RERE: variants seen among roughly 807,000 people sequenced by gnomAD.
RERE encodes the protein arginine-glutamic acid dipeptide repeats protein.
In RERE, 40 loss-of-function variants were observed where a neutral mutation model predicts 146.1. The observed-to-expected ratio is 0.27, with a 90% CI of 0.21 to 0.36. The LOEUF is 0.36. Ranked by LOEUF, RERE falls within the 10% of genes least tolerant of loss-of-function variation. The pLI is 1.00. For missense variants in RERE, 1,933 were observed against 2,138.7 expected, an observed-to-expected ratio of 0.90 and a Z score of 1.90; for synonymous variants, 1,003 against 866.0, an observed-to-expected ratio of 1.16 and a Z score of -2.78.
intron 1 of RERE, among the ~76,000 whole-genome samples, chr1:8,764,970 C>T (rs1640820342): frequency 6.6e-6 from 1 of 152,196 alleles, no homozygotes; most frequent in South Asian, 2.1e-4. Flanking sequence ...AGGTTCCATA[C>T]CCCCCAAAAA....
In RERE at chr1:8,611,038, C is replaced by CA. The variant is rs200447929; in HGVS notation, c.522+3522dup. ...TGAAACCCCATCTCTACTAAAAATA[C>CA]AAAAAAAATTGCCAGGTGTGGTGGA... On this transcript the variant is annotated intron_variant, in intron 4 of 22. Transcript: ENST00000400908. Among the ~76,000 whole-genome samples the CA allele has an allele frequency of 9.6e-4, 145 of 151,510 alleles. No homozygotes were observed. The East Asian group carries it at 0.025, about 26-fold the overall frequency.
At chr1:8,480,131 T>G (rs150520468) in intron 10 of RERE, among the ~76,000 whole-genome samples, 76,333 of 115,290 alleles carry the variant, frequency 0.66, 21,410 homozygotes, top group East Asian at 0.84. Flanking sequence ...TTTTTTTGTT[T>G]TTTTTTTTTT....
chr1:8,803,547 C>T (rs142192294), intron 1 of RERE, among the ~76,000 whole-genome samples: 115 of 152,138 alleles, frequency 7.6e-4, no homozygotes, highest in African/African-American at 2.7e-3. Flanking sequence ...TACATATAAT[C>T]CCAAGTTACT....
At chr1:8,719,411 AATTATTAAATATCCAAAAGGATCCAGGG>A (rs1639821162) in intron 1 of RERE, among the ~76,000 whole-genome samples, 1 of 152,180 alleles carries the variant, frequency 6.6e-6, no homozygotes, top group Non-Finnish European at 1.5e-5. Context: ...TCCTTAAGGT[AATTATTAAATATCCAAAAGGATCCAGGG>A]TGTATTAGAA....
intron 6 of RERE, among the ~76,000 whole-genome samples, chr1:8,548,355 A>G (rs1164651036): frequency 1.3e-5 from 2 of 152,180 alleles, no homozygotes; most frequent in African/African-American, 2.4e-5. Flanking sequence ...TCACACACCC[A>G]TAAAATAAAC....
Position 8,429,380 on chromosome 1 carries a change from T to C in RERE, c.1204-6573A>G, listed in dbSNP as rs532180108. ...TGCCTGTGTTTGCATCCCAAGATATTGTTTCCCAAAAATTCTATGTGTGGA... is the reference window on the plus strand; with the variant it reads ...TGCCTGTGTTTGCATCCCAAGATATCGTTTCCCAAAAATTCTATGTGTGGA... On this transcript the variant is annotated intron_variant, in intron 11 of 22. Coordinates refer to ENST00000400908, the MANE Select transcript of RERE (RefSeq NM_001042681.2). Among the ~76,000 whole-genome samples, 122 of 152,284 alleles carry C rather than the reference T, an allele frequency of 8.0e-4. 1 individual carries two copies. Among genetic ancestry groups the C allele is most frequent in the African/African-American group, 2.8e-3 (117 of 41,548 alleles).
rs1202210289 is a variant in RERE at position 8,694,531 on chromosome 1, C to T, written c.-144-38090G>A. On this transcript the variant is annotated intron_variant, in intron 1 of 22. Coordinates refer to ENST00000400908, the MANE Select transcript of RERE (RefSeq NM_001042681.2). ...ATCCAAGCACTTTGGGAGGTTGAGG[C>T]GGGCAGATCACAAGGTCAGGAATTC... Among the ~76,000 whole-genome samples the T allele has an allele frequency of 4.6e-5, 7 of 152,028 alleles. No homozygotes were observed. In the East Asian group the frequency reaches 7.7e-4, roughly 17 times the overall value.
chr1:8,499,910 A>T lies in RERE; in HGVS notation c.880-2381T>A, dbSNP rs144878233. ...CGAGGCGGGCAGATCACCTGAGGTC[A>T]GGAGTTCGACACCAGACTGACCAAC... On this transcript the variant is annotated intron_variant, in intron 8 of 22. Transcript: ENST00000400908. Among the ~76,000 whole-genome samples, 243 of 152,338 alleles carry T rather than the reference A, an allele frequency of 1.6e-3. 1 individual carries two copies. The highest frequency in any genetic ancestry group is 5.6e-3 in the African/African-American group (232 of 41,582).
At chr1:8,547,096 A>G (rs1358438607) in intron 6 of RERE, among the ~76,000 whole-genome samples, 3 of 151,780 alleles carry the variant, frequency 2.0e-5, no homozygotes, top group African/African-American at 7.3e-5. Flanking sequence ...TTAAAAAAAA[A>G]AAAACAAAAT....
intron 7 of RERE, among the ~76,000 whole-genome samples, chr1:8,522,131 T>C (rs1238477142): frequency 6.6e-6 from 1 of 152,262 alleles, no homozygotes; most frequent in African/African-American, 2.4e-5. Context: ...AGACTCATGC[T>C]TTATCACCCA....
intron 12 of RERE, among the ~76,000 whole-genome samples, chr1:8,418,436 T>G (rs1643836519): frequency 6.6e-6 from 1 of 152,112 alleles, no homozygotes; most frequent in South Asian, 2.1e-4. Flanking sequence ...CAAGCTGGGG[T>G]AGATCACATT....
At chr1:8,648,254 T>C (rs983213183) in intron 2 of RERE, among the ~76,000 whole-genome samples, 4 of 152,202 alleles carry the variant, frequency 2.6e-5, no homozygotes, top group Admixed American at 1.3e-4. Flanking sequence ...GTTTTTGCGA[T>C]GGGGTCTCAC....
intron 1 of RERE, among the ~76,000 whole-genome samples, chr1:8,719,636 C>T (rs911150641): frequency 3.3e-5 from 5 of 152,210 alleles, no homozygotes; most frequent in Non-Finnish European, 5.9e-5. Context: ...AGACAAGTTT[C>T]TACAGAGTCA....
At chr1:8,774,443 T>C (rs1487120617) in intron 1 of RERE, among the ~76,000 whole-genome samples, 1 of 138,580 alleles carries the variant, frequency 7.2e-6, no homozygotes, top group East Asian at 2.3e-4. Flanking sequence ...AACCTCCGCC[T>C]CCTGGGTTCA....
chr1:8,469,686 G>A (rs183268081), intron 10 of RERE, among the ~76,000 whole-genome samples: 3 of 152,252 alleles, frequency 2.0e-5, no homozygotes, highest in Admixed American at 6.5e-5. Context: ...GAAATTGCTC[G>A]TGAGAACATA....
In RERE at chr1:8,361,095, C is replaced by CGCTGGG. The variant is rs1557587316; in HGVS notation, c.2411_2412insCCCAGC (p.Pro804_Ala805insProAla). 4.2e-6 allele frequency: 6 copies of CGCTGGG among 1,439,602 alleles called. No homozygotes were observed. In the South Asian group the frequency reaches 8.8e-5, roughly 21 times the overall value. 89.2% of individuals were successfully genotyped at this position (1,439,602 alleles called of 1,614,324 possible). ...AGGGCGGCCGCTGGGGGTGCAAGGC[C>CGCTGGG]GGTGCCTGTTGGATGTGGGTGTGGG... On this transcript the variant is annotated inframe_insertion, in exon 18 of 23. Transcript: ENST00000400908.
chr1:8,501,136 C>G (rs1333377490), intron 8 of RERE, among the ~76,000 whole-genome samples: 2 of 146,190 alleles, frequency 1.4e-5, no homozygotes, highest in Admixed American at 1.3e-4. Flanking sequence ...CCCCTCTGCC[C>G]GGCCAGCTGC....
chr1:8,369,773 T>G (rs1421200665), intron 12 of RERE, among the ~76,000 whole-genome samples: 2 of 152,034 alleles, frequency 1.3e-5, no homozygotes, highest in Non-Finnish European at 2.9e-5. Flanking sequence ...CACGGATACA[T>G]TCATAGAAAC....
chr1:8,612,343 T>A, intron 4 of RERE, among the ~76,000 whole-genome samples: 1 of 152,170 alleles, frequency 6.6e-6, no homozygotes, highest in South Asian at 2.1e-4. Flanking sequence ...GCCAACTGGA[T>A]CTGATTCAGA....
Sources: gnomAD v4.1 joint callset for allele counts (sites outside exome capture counted in the v4.1 genomes callset) on GRCh38, gnomAD v4.1.1 for gene constraint, MANE v1.5 for transcripts, NCBI Gene and HGNC (gene_info 2026-07-23, HGNC 2026-07-21) for gene names.